The following HAPLN2 variants were observed in gnomAD, a reference collection of about 807,000 sequenced individuals.
The protein encoded by HAPLN2 is hyaluronan and proteoglycan link protein 2.
In HAPLN2, 27 loss-of-function variants were observed where a neutral mutation model predicts 29.3. The ratio of observed to expected loss-of-function variants is 0.92; its 90% confidence interval spans 0.68 to 1.27. HAPLN2 has a LOEUF of 1.27. HAPLN2 is among the 50% of genes most tolerant of loss of function. HAPLN2 has a pLI of 0.00. For synonymous variants in HAPLN2, 208 were observed against 211.7 expected, an observed-to-expected ratio of 0.98 and a Z score of 0.15; for missense variants, 454 against 484.3, an observed-to-expected ratio of 0.94 and a Z score of 0.59.
chr1:156,610,817 G>A, the HAPLN2 span, among the ~76,000 whole-genome samples: 40 of 151,932 alleles, frequency 2.6e-4, no homozygotes, highest in Non-Finnish European at 4.9e-4. Flanking sequence ...TCCTGGGGGC[G>A]GTGAGAAGAA....
chr1:156,623,717 T>C (rs1170978061), intron 3 of HAPLN2, 90 bp from the exon 4 acceptor site: 2 of 1,490,278 alleles, frequency 1.3e-6, no homozygotes, highest in Non-Finnish European at 1.8e-6. Flanking sequence ...GTTGGGGGGC[T>C]CTGGAGAAAG....
chr1:156,610,961 C>T, the HAPLN2 span, among the ~76,000 whole-genome samples: 1 of 152,136 alleles, frequency 6.6e-6, no homozygotes, highest in Admixed American at 6.5e-5. Context: ...ACATGACTTT[C>T]ATGTGTGTAT....
chr1:156,620,968 T>G (rs1051719778), intron 2 of HAPLN2, among the ~76,000 whole-genome samples: 1 of 152,178 alleles, frequency 6.6e-6, no homozygotes, highest in Admixed American at 6.6e-5. Flanking sequence ...TTCCCCACAT[T>G]TCACTGATGA....
At position 156,625,460 on chromosome 1, in the gene HAPLN2, G is replaced by C. The variant is rs1041723149; in HGVS notation, c.*76G>C. On this transcript the variant is annotated 3_prime_UTR_variant, in exon 7 of 7. Transcript: ENST00000255039. The surrounding 1 kb of genome is among the most constrained non-coding windows in gnomAD (Gnocchi z 5.7). ...CGGGGGTCTCTCGCCACCCCTTTCC[G>C]GAGAGCCTCCCCTCCCTCCAGACCC... 9.9e-6 allele frequency: 14 copies of C among 1,410,060 alleles called. No homozygotes were observed. The highest frequency in any genetic ancestry group is 1.3e-5 in the Non-Finnish European group (14 of 1,056,596). 87.3% of individuals were successfully genotyped at this position (1,410,060 alleles called of 1,614,324 possible).
upstream of HAPLN2, chr1:156,614,992 G>A (rs1048898493): frequency 1.3e-5 from 2 of 152,204 alleles, no homozygotes; most frequent in Non-Finnish European, 2.9e-5. Flanking sequence ...ATGGGCAGAA[G>A]AGGTACTATT....
At chr1:156,622,432 C>T (rs558726976) in intron 2 of HAPLN2, among the ~76,000 whole-genome samples, 7 of 151,156 alleles carry the variant, frequency 4.6e-5, no homozygotes, top group African/African-American at 9.7e-5. Context: ...CCAGTCTGGG[C>T]GAGAGAGTAA....
At chr1:156,620,954 A>G (rs187764822) in intron 2 of HAPLN2, among the ~76,000 whole-genome samples, 1 of 152,292 alleles carries the variant, frequency 6.6e-6, no homozygotes, top group African/African-American at 2.4e-5. Flanking sequence ...TAGGTGTGCT[A>G]TTATTCCCCA....
the HAPLN2 span, among the ~76,000 whole-genome samples, chr1:156,612,715 G>A: frequency 6.6e-6 from 1 of 152,150 alleles, no homozygotes; most frequent in Non-Finnish European, 1.5e-5. Context: ...GACTTGCAGA[G>A]GAGTCTTGCT....
chr1:156,604,145 G>A, the HAPLN2 span, among the ~76,000 whole-genome samples: 1 of 152,086 alleles, frequency 6.6e-6, no homozygotes, highest in African/African-American at 2.4e-5. Flanking sequence ...ATAACAAGAT[G>A]CATAGAAATA....
At chr1:156,607,797 A>AT in the HAPLN2 span, among the ~76,000 whole-genome samples, 4 of 152,074 alleles carry the variant, frequency 2.6e-5, no homozygotes, top group Non-Finnish European at 4.4e-5. Context: ...CTTCCCAGTT[A>AT]TTTTTTCTGT....
the HAPLN2 span, among the ~76,000 whole-genome samples, chr1:156,609,864 G>T: frequency 5.9e-5 from 9 of 152,060 alleles, no homozygotes; most frequent in Non-Finnish European, 8.8e-5. Context: ...CCCACAACAT[G>T]CAATTTTCCT....
chr1:156,607,331 T>G, the HAPLN2 span, among the ~76,000 whole-genome samples: 1 of 152,054 alleles, frequency 6.6e-6, no homozygotes. Flanking sequence ...AATACAAAAA[T>G]TAGCCAGGCA....
chr1:156,623,048 ATAAATAAAT>A (rs1678297590), intron 2 of HAPLN2, among the ~76,000 whole-genome samples: 3 of 137,902 alleles, frequency 2.2e-5, no homozygotes, highest in Non-Finnish European at 4.6e-5. Context: ...AAATAAATAA[ATAAATAAAT>A]AAATAAATAA....
At position 156,624,120 on chromosome 1, in the gene HAPLN2, C is replaced by A. The variant is rs1678356240; in HGVS notation, c.399C>A (p.Gly133=). 6.2e-7 allele frequency: 1 copy of A among 1,613,552 alleles called. No homozygotes were observed. The highest frequency in any genetic ancestry group is 1.3e-5 in the African/African-American group (1 of 74,920). ...GGTACCGCTGCGAGCTCATCAACGG[C>A]ATCGAGGACGAGAGCGTGGCGCTGA... ...EGRYRCELIN[G]IEDESVALTL... Residue 133 remains glycine (G), a synonymous_variant, in exon 4 of 7, where the codon GGC becomes GGA. Transcript: ENST00000255039.
upstream of HAPLN2, among the ~76,000 whole-genome samples, chr1:156,615,546 G>A (rs1678034621): frequency 6.7e-6 from 1 of 149,722 alleles, no homozygotes; most frequent in Non-Finnish European, 1.5e-5. Flanking sequence ...CACAGAGACA[G>A]ATCCCATCTC....
intron 2 of HAPLN2, among the ~76,000 whole-genome samples, chr1:156,622,262 A>G (rs1277593692): frequency 6.6e-6 from 1 of 152,068 alleles, no homozygotes; most frequent in African/African-American, 2.4e-5. Flanking sequence ...CCTGGGCAAC[A>G]TTCTGAAACT....
At chr1:156,613,982 A>T in the HAPLN2 span, among the ~76,000 whole-genome samples, 6 of 151,972 alleles carry the variant, frequency 3.9e-5, no homozygotes, top group Non-Finnish European at 7.4e-5. Context: ...TGTGATATAT[A>T]AAAAAATCCT....
At chr1:156,601,742 A>T in the HAPLN2 span, among the ~76,000 whole-genome samples, 3 of 152,158 alleles carry the variant, frequency 2.0e-5, no homozygotes, top group Admixed American at 6.5e-5. Flanking sequence ...ACACTGAGCT[A>T]GTCCCGGGCG....
the HAPLN2 span, among the ~76,000 whole-genome samples, chr1:156,607,773 A>G: frequency 1.3e-5 from 2 of 152,228 alleles, no homozygotes; most frequent in South Asian, 4.1e-4. Flanking sequence ...TACACAATTT[A>G]TCTTCCTCCA....
Sources: gnomAD v4.1 joint callset for allele counts (sites outside exome capture counted in the v4.1 genomes callset) on GRCh38, gnomAD v4.1.1 for gene constraint, Gnocchi (gnomAD v3.1) non-coding constraint, MANE v1.5 for transcripts, NCBI Gene and HGNC (gene_info 2026-07-23, HGNC 2026-07-21) for gene names.